The following CIITA variants were observed in gnomAD, a reference collection of about 807,000 sequenced individuals.
CIITA encodes the protein MHC class II transactivator.
CIITA carries 72 observed loss-of-function variants against 115.1 expected under a neutral mutation model. That is an observed-to-expected ratio of 0.63 (90% CI 0.52 to 0.76). The LOEUF is 0.76. Ranked by LOEUF, CIITA falls within the 30% of genes least tolerant of loss-of-function variation. The pLI is 0.00. For missense variants in CIITA, 1,617 were observed against 1,463.8 expected (o/e 1.10, Z -1.71); for synonymous variants, 763 against 635.6 (o/e 1.20, Z -3.02).
rs1468326265 is a variant in CIITA at position 10,942,242 on chromosome 16, CG to C, written n.1371del. On this transcript the variant is annotated non_coding_transcript_exon_variant, in exon 2 of 2. Coordinates refer to the CIITA transcript ENST00000573379. This position sits in a 1 kb window ranked among gnomAD's most constrained non-coding sequence, Gnocchi z 5.0. ...TCTCTCGACCGCCCGGGCGGCGAGG[CG>C]GGCCCCCCTGAAGTGGCCCGCGGCT... The C allele has an allele frequency of 1.9e-5, 7 of 368,962 alleles. No homozygotes were observed. The South Asian group carries it at 3.3e-4, about 18-fold the overall frequency. 22.9% of individuals were successfully genotyped at this position (368,962 alleles called of 1,614,324 possible).
chr16:10,887,775 G>A (rs186581561), intron 1 of CIITA, among the ~76,000 whole-genome samples: 14 of 152,154 alleles, frequency 9.2e-5, no homozygotes, highest in African/African-American at 1.9e-4. Flanking sequence ...GATTATAGGC[G>A]TGAGCCACCA....
rs956802502 is a variant in CIITA at position 10,924,847 on chromosome 16, T to A, written c.*992T>A. The A allele has an allele frequency of 2.6e-5, 4 of 152,252 alleles. No individual in the cohort carries two copies. Among genetic ancestry groups the A allele is most frequent in the African/African-American group, 9.6e-5 (4 of 41,460 alleles). 9.4% of individuals were successfully genotyped at this position (152,252 alleles called of 1,614,324 possible). On this transcript the variant is annotated 3_prime_UTR_variant, in exon 20 of 20. Coordinates refer to ENST00000324288, the MANE Select transcript of CIITA (RefSeq NM_000246.4). ...GTGTCTTTTTTCACTACATTATAAA[T>A]GTCTCTTTAATGTCACAGGCAGGTC...
At chr16:10,908,878 T>C in intron 11 of CIITA, 151 bp from the exon 12 acceptor site, 1 of 1,035,270 alleles carries the variant, frequency 9.7e-7, no homozygotes. Context: ...CAATAAAGGC[T>C]GGAGTGGTCA....
upstream of CIITA, among the ~76,000 whole-genome samples, chr16:10,873,169 C>T (rs2035599587): frequency 6.6e-6 from 1 of 152,082 alleles, no homozygotes; most frequent in Non-Finnish European, 1.5e-5. Context: ...GATGAGGTCT[C>T]GCTATGTTTC....
At position 10,907,447 on chromosome 16, in the gene CIITA, G is replaced by GC. The variant is rs778982759; in HGVS notation, c.1962dup (p.Gly655ArgfsTer94). On this transcript the variant is annotated frameshift_variant, in exon 11 of 20. Coordinates refer to ENST00000324288, the MANE Select transcript of CIITA (RefSeq NM_000246.4). LOFTEE classifies it high-confidence loss of function. This position sits in a 1 kb window ranked among gnomAD's most constrained non-coding sequence, Gnocchi z 5.0. Reference sequence around the variant, plus strand: ...CTGCTGGGCCGTGCAGCCCTCGACAGCCCCCCCGGGGCCCTGGCAGAGCTG... The same window carrying GC: ...CTGCTGGGCCGTGCAGCCCTCGACAGCCCCCCCCGGGGCCCTGGCAGAGCTG... 21 of 1,612,636 alleles carry GC rather than the reference G, an allele frequency of 1.3e-5. No individual in the cohort carries two copies. Among genetic ancestry groups the GC allele is most frequent in the Non-Finnish European group, 4.2e-6 (5 of 1,179,760 alleles).
At chr16:10,873,779 T>C (rs72770013), upstream of CIITA, among the ~76,000 whole-genome samples, 7,747 of 152,156 alleles carry the variant, frequency 0.051, 1,105 homozygotes, top group East Asian at 0.3. Flanking sequence ...GTGCTAGTGG[T>C]TGCTGGCATG....
chr16:10,886,789 T>C (rs958491656), intron 1 of CIITA, among the ~76,000 whole-genome samples: 3 of 152,236 alleles, frequency 2.0e-5, no homozygotes, highest in Non-Finnish European at 4.4e-5. Context: ...ATTCTGTGAC[T>C]CAGAGAGGTT....
chr16:10,942,358 C>T lies in CIITA; in HGVS notation n.1484C>T. ...CCGCGGCTCAGTGTCTAGGGCCGGT[C>T]CCGGCAGCCTTCTCTCCCGCCCCGC... On this transcript the variant is annotated non_coding_transcript_exon_variant, in exon 2 of 2. Coordinates refer to the CIITA transcript ENST00000573379. The surrounding 1 kb of genome is among the most constrained non-coding windows in gnomAD (Gnocchi z 5.0). The T allele has an allele frequency of 5.2e-6, 1 of 193,674 alleles. No individual in the cohort carries two copies. Among genetic ancestry groups the T allele is most frequent in the Non-Finnish European group, 1.1e-5 (1 of 94,032 alleles). 12.0% of individuals were successfully genotyped at this position (193,674 alleles called of 1,614,324 possible).
In CIITA at chr16:10,903,806, G is replaced by A. The variant is rs767768296; in HGVS notation, c.848G>A (p.Arg283Gln). ...CACGGCCTCCCAACATCTCCAGACC[G>A]GCCAGGCTCCACCAGCCCCTTCGCT... is the stretch of plus-strand genomic sequence containing the variant. ...TVHGLPTSPD[R>Q]PGSTSPFAPS... The change falls in exon 9 of 20, where the codon CGG becomes CAG. Residue 283 changes from arginine to glutamine, a missense_variant. By Grantham distance (43) the Arg-to-Gln change is conservative (BLOSUM62 1). Coordinates refer to ENST00000324288, the MANE Select transcript of CIITA (RefSeq NM_000246.4). The A allele has an allele frequency of 1.8e-5, 29 of 1,613,988 alleles. No homozygotes were observed. Among genetic ancestry groups the A allele is most frequent in the African/African-American group, 4.0e-5 (3 of 74,882 alleles).
In CIITA at chr16:10,907,047, C is replaced by A. The variant is rs1275390709; in HGVS notation, c.1555C>A (p.Pro519Thr). Residue 519 changes from proline (P) to threonine (T), a missense_variant, in exon 11 of 20, where the codon CCG (proline) becomes ACG (threonine). Physicochemically the swap from Pro to Thr is conservative, Grantham distance 38. Coordinates refer to ENST00000324288, the MANE Select transcript of CIITA (RefSeq NM_000246.4). This position sits in a 1 kb window ranked among gnomAD's most constrained non-coding sequence, Gnocchi z 5.0. ...GFLHSTCGPA[P>T]AEPCSLRGLL... ...CCTGCACAGCACGTGCGGACCGGCA[C>A]CGGCGGAGCCCTGCTCCCTCCGGGG... 1 of 1,607,382 alleles carries A rather than the reference C, an allele frequency of 6.2e-7. No individual in the cohort carries two copies. Among genetic ancestry groups the A allele is most frequent in the Non-Finnish European group, 8.5e-7 (1 of 1,179,980 alleles).
rs2144997749 is a variant in CIITA, at chr16:10,916,439, G to A, written c.3042G>A (p.Leu1014=). The part of the protein sequence containing the change: ...VSQLSATFPQ[L]KSLETLNLSQ... ...AGCTCTCAGCCACCTTCCCCCAGCTGAAGTCCTTGGAAACCCTCAAGTGAG... is the reference window on the plus strand; with the variant it reads ...AGCTCTCAGCCACCTTCCCCCAGCTAAAGTCCTTGGAAACCCTCAAGTGAG... Residue 1014 remains leucine (L), a synonymous_variant, in exon 15 of 20, where the codon CTG becomes CTA. Coordinates refer to ENST00000324288, the MANE Select transcript of CIITA (RefSeq NM_000246.4). 1 of 1,612,452 alleles carries A rather than the reference G, an allele frequency of 6.2e-7. No individual in the cohort carries two copies.
At chr16:10,898,546 C>T in intron 3 of CIITA, 124 bp from the exon 4 acceptor site, 1 of 623,008 alleles carries the variant, frequency 1.6e-6, no homozygotes, top group Non-Finnish European at 2.9e-6. Flanking sequence ...TTCATTCATT[C>T]AACAAACATT....
rs140269818 is a variant in CIITA, at chr16:10,907,231, G to A, written c.1739G>A (p.Arg580His). The A allele has an allele frequency of 1.4e-5, 23 of 1,613,364 alleles. No individual in the cohort carries two copies. Among genetic ancestry groups the A allele is most frequent in the African/African-American group, 1.3e-4 (10 of 74,884 alleles). The part of the protein sequence containing the change: ...SMEQAQAYVM[R>H]YFESSGMTEH... ...GAGCAGGCCCAGGCATACGTGATGC[G>A]CTACTTTGAGAGCTCAGGGATGACA... is the stretch of plus-strand genomic sequence containing the variant. Residue 580 changes from arginine to histidine, a missense_variant, in exon 11 of 20, where the codon CGC becomes CAC. Physicochemically the swap from Arg to His is conservative, Grantham distance 29. Coordinates refer to ENST00000324288, the MANE Select transcript of CIITA (RefSeq NM_000246.4). This position sits in a 1 kb window ranked among gnomAD's most constrained non-coding sequence, Gnocchi z 5.0.
At chr16:10,870,803 T>C (rs1158899396) in intron 1 of CIITA, among the ~76,000 whole-genome samples, 1 of 152,220 alleles carries the variant, frequency 6.6e-6, no homozygotes, top group Non-Finnish European at 1.5e-5. Context: ...AGGCAGTGCT[T>C]GGCATTAGGT....
In CIITA at chr16:10,898,704, G is replaced by A; in HGVS notation, c.330G>A (p.Gln110=). 1 of 1,612,056 alleles carries A rather than the reference G, an allele frequency of 6.2e-7. No homozygotes were observed. Among genetic ancestry groups the A allele is most frequent in the African/African-American group, 1.3e-5 (1 of 74,806 alleles). ...ACCAGTATGTCTTCCAGGACTCCCA[G>A]CTGGAGGGCCTGAGCAAGGACATTT... ...ELDQYVFQDS[Q]LEGLSKDIFK... The change falls in exon 4 of 20, where the codon CAG becomes CAA. Residue 110 remains glutamine, a synonymous_variant. Transcript: ENST00000324288.
At position 10,920,087 on chromosome 16, in the gene CIITA, A is replaced by G. The variant is rs898917500; in HGVS notation, c.3149+1561A>G. The stretch of plus-strand genomic sequence containing the variant: ...TGTGGCTGTGTGTAGTGAATGAGGG[A>G]CAGAGGCTGGGCAATGGTGGAAGTA... On this transcript the variant is annotated intron_variant, in intron 16 of 19. Coordinates refer to ENST00000324288, the MANE Select transcript of CIITA (RefSeq NM_000246.4). This position sits in a 1 kb window ranked among gnomAD's most constrained non-coding sequence, Gnocchi z 4.5. Among the ~76,000 whole-genome samples, 3 of 152,136 alleles carry G rather than the reference A, an allele frequency of 2.0e-5. No homozygotes were observed. The highest frequency in any genetic ancestry group is 7.2e-5 in the African/African-American group (3 of 41,422).
At chr16:10,917,402 G>C (rs1238785515) in intron 15 of CIITA, among the ~76,000 whole-genome samples, 1 of 151,702 alleles carries the variant, frequency 6.6e-6, no homozygotes, top group East Asian at 1.9e-4. Flanking sequence ...TTGAACTTCT[G>C]AGCTCAAGCC....
At chr16:10,899,116 G>A (rs2038444520) in intron 5 of CIITA, 114 bp downstream of exon 5, 3 of 1,012,022 alleles carry the variant, frequency 3.0e-6, no homozygotes, top group Non-Finnish European at 4.6e-6. Context: ...TGTCTGGTTG[G>A]GAGGCCCTTT....
rs773289924 is a variant in CIITA, at chr16:10,906,959, G to A, written c.1467G>A (p.Lys489=). 5.0e-6 allele frequency: 8 copies of A among 1,612,632 alleles called. No homozygotes were observed. Among genetic ancestry groups the A allele is most frequent in the African/African-American group, 2.7e-5 (2 of 74,916 alleles). Residue 489 remains lysine (K), a synonymous_variant, in exon 11 of 20, where the codon AAG becomes AAA. Coordinates refer to ENST00000324288, the MANE Select transcript of CIITA (RefSeq NM_000246.4). ...AADEVFSHIL[K]RPDRVLLILD... Reference sequence around the variant, plus strand: ...ATGAGGTTTTCAGCCACATCTTGAAGAGACCTGACCGCGTTCTGCTCATCC... The same window carrying A: ...ATGAGGTTTTCAGCCACATCTTGAAAAGACCTGACCGCGTTCTGCTCATCC...
Sources: allele counts gnomAD v4.1 joint callset (sites outside exome capture counted in the v4.1 genomes callset), GRCh38; gene constraint gnomAD v4.1.1; non-coding constraint Gnocchi (gnomAD v3.1); transcripts MANE v1.5; gene names NCBI Gene and HGNC (gene_info 2026-07-23, HGNC 2026-07-21).